The following ACOT11 variants were observed in gnomAD, a reference collection of about 807,000 sequenced individuals.
ACOT11 encodes the protein acyl-coenzyme A thioesterase 11.
In ACOT11, 69 loss-of-function variants were observed where a neutral mutation model predicts 77.5. That is an observed-to-expected ratio of 0.89 (90% CI 0.73 to 1.09). ACOT11 has a LOEUF of 1.09. Ranked by LOEUF, ACOT11 falls within the 50% of genes least tolerant of loss-of-function variation. The pLI is 0.00. For synonymous variants in ACOT11, 279 were observed against 313.0 expected, an observed-to-expected ratio of 0.89 and a Z score of 1.15; for missense variants, 766 against 813.7, an observed-to-expected ratio of 0.94 and a Z score of 0.71.
rs1644038234 is a variant in ACOT11 at position 54,607,307 on chromosome 1, A to G, written c.1502+42A>G. The G allele has an allele frequency of 2.5e-6, 4 of 1,600,138 alleles. No homozygotes were observed. Among genetic ancestry groups the G allele is most frequent in the Non-Finnish European group, 3.4e-6 (4 of 1,169,030 alleles). ...TGTGGGGTGGGGGACACAACTGGAC[A>G]GGGTGGTAGGGTGGCCGCTTCTCCC... On this transcript the variant is annotated intron_variant, in intron 14 of 15. Transcript: ENST00000343744. This position sits in a 1 kb window ranked among gnomAD's most constrained non-coding sequence, Gnocchi z 4.5.
At chr1:54,636,785 C>T (rs1644333522) in exon 17 of ACOT11, 1 of 153,116 alleles carries the variant, frequency 6.5e-6, no homozygotes. Flanking sequence ...TCCCTGCGGC[C>T]TTTGCAGTAT....
chr1:54,601,459 C>T (rs1276989446), intron 9 of ACOT11, 46 bp downstream of exon 9: 2 of 1,590,978 alleles, frequency 1.3e-6, no homozygotes, highest in African/African-American at 1.3e-5. Flanking sequence ...CCCCTCCCCT[C>T]CCTCTCTGCC....
chr1:54,612,412 G>T (rs2101015807), downstream of ACOT11: 1 of 1,114,544 alleles, frequency 9.0e-7, no homozygotes, highest in Non-Finnish European at 1.3e-6. Context: ...GACCCTTCCA[G>T]CCATGAGCTT....
intron 6 of ACOT11, among the ~76,000 whole-genome samples, chr1:54,595,486 C>G (rs754618772): frequency 6.6e-6 from 1 of 152,044 alleles, no homozygotes; most frequent in Non-Finnish European, 1.5e-5. Flanking sequence ...AAATAAAAAG[C>G]AAGACTCCTT....
chr1:54,612,446 G>T, downstream of ACOT11: 1 of 1,454,024 alleles, frequency 6.9e-7, no homozygotes, highest in Non-Finnish European at 9.6e-7. Context: ...GGGGGCATCA[G>T]TGCCTCCAGG....
chr1:54,579,069 G>A (rs1654210637), intron 1 of ACOT11, among the ~76,000 whole-genome samples: 1 of 152,194 alleles, frequency 6.6e-6, no homozygotes, highest in South Asian at 2.1e-4. Context: ...TAGGACATTG[G>A]GACCATCGTT....
At chr1:54,623,858 T>G (rs1644254566) in intron 15 of ACOT11, among the ~76,000 whole-genome samples, 1 of 152,250 alleles carries the variant, frequency 6.6e-6, no homozygotes. Flanking sequence ...ATTCTGTTCT[T>G]TCCCTTTCTA....
chr1:54,569,949 T>C (rs1239693704), intron 1 of ACOT11, among the ~76,000 whole-genome samples: 1 of 152,220 alleles, frequency 6.6e-6, no homozygotes, highest in Non-Finnish European at 1.5e-5. Flanking sequence ...TGGTACTTAA[T>C]TGGAGACAGC....
intron 13 of ACOT11, among the ~76,000 whole-genome samples, chr1:54,605,525 C>T (rs927159546): frequency 2.0e-5 from 3 of 151,952 alleles, no homozygotes; most frequent in Non-Finnish European, 2.9e-5. Flanking sequence ...GCTTGGATGG[C>T]GGGTCATGGA....
At chr1:54,552,819 G>C (rs1460182792) in intron 1 of ACOT11, among the ~76,000 whole-genome samples, 1 of 117,856 alleles carries the variant, frequency 8.5e-6, no homozygotes, top group African/African-American at 3.5e-5. Context: ...GTTGTTGTTT[G>C]TTTTTGTTTT....
chr1:54,549,676 C>T (rs1053600011), intron 1 of ACOT11, among the ~76,000 whole-genome samples: 1 of 152,222 alleles, frequency 6.6e-6, no homozygotes, highest in Admixed American at 6.5e-5. Flanking sequence ...GGGAGCAACA[C>T]GAGGCTGCTC....
chr1:54,592,376 T>G (rs1654741735), intron 3 of ACOT11, among the ~76,000 whole-genome samples, 170 bp from the exon 4 acceptor site: 1 of 152,218 alleles, frequency 6.6e-6, no homozygotes, highest in African/African-American at 2.4e-5. Flanking sequence ...GCTGACACTA[T>G]CTTGCTAGCT....
At chr1:54,580,693 C>T (rs978624186) in intron 1 of ACOT11, among the ~76,000 whole-genome samples, 1 of 152,214 alleles carries the variant, frequency 6.6e-6, no homozygotes, top group East Asian at 1.9e-4. Flanking sequence ...GTGCCAGGCA[C>T]GTGTCCCTGT....
rs61261431 is a variant in ACOT11 at position 54,628,593 on chromosome 1, G to GCC, written c.1630-2130_1630-2129dup. 4.2e-3 allele frequency among the ~76,000 whole-genome samples: 294 copies of GCC among 70,296 alleles called. 10 individuals carry two copies. The highest frequency in any genetic ancestry group is 0.01 in the East Asian group (23 of 2,224). The allele number at this position is 70,296 out of a possible 152,430, so 46.1% of individuals were successfully genotyped here. A position where few individuals can be genotyped will look rare whatever the true frequency, so the allele number is the denominator to read the frequency against. On this transcript the variant is annotated intron_variant, in intron 15 of 16. Transcript: ENST00000371316. ...CTGGGCATCAGAGCAAGACCCCATC[G>GCC]CCCCCCCCCCCCAAAAAAGGAAAAA... is the stretch of plus-strand genomic sequence containing the variant.
intron 16 of ACOT11, among the ~76,000 whole-genome samples, chr1:54,632,091 T>C (rs1343586082): frequency 6.6e-6 from 1 of 152,064 alleles, no homozygotes; most frequent in Non-Finnish European, 1.5e-5. Context: ...GGCCACCAGA[T>C]AGGGGAAAAA....
chr1:54,608,410 C>T (rs1361692025), intron 15 of ACOT11, among the ~76,000 whole-genome samples: 1 of 152,012 alleles, frequency 6.6e-6, no homozygotes, highest in African/African-American at 2.4e-5. Context: ...AACCCAGCAG[C>T]GCAGTCCGTG....
At chr1:54,581,455 C>A (rs1200329489) in intron 1 of ACOT11, among the ~76,000 whole-genome samples, 1 of 152,130 alleles carries the variant, frequency 6.6e-6, no homozygotes, top group South Asian at 2.1e-4. Context: ...GTGCCTTAGT[C>A]CCCCAGGCTG....
rs114403859 is a variant in ACOT11, at chr1:54,606,987, C to T, written c.1371-147C>T. Reference sequence around the variant, plus strand: ...ATCTTGGCTGGGCTTTGCTGCCTTCCTGCTGGCCCTTGCTGAGCAGTACAG... The same window carrying T: ...ATCTTGGCTGGGCTTTGCTGCCTTCTTGCTGGCCCTTGCTGAGCAGTACAG... On this transcript the variant is annotated intron_variant, in intron 13 of 15. Coordinates refer to ENST00000343744, the MANE Select transcript of ACOT11 (RefSeq NM_147161.4). 2,696 of 1,143,134 alleles carry T rather than the reference C, an allele frequency of 2.4e-3. 58 individuals carry two copies. In the African/African-American group the frequency reaches 0.036, roughly 15 times the overall value. The allele number at this position is 1,143,134 out of a possible 1,614,324, so 70.8% of individuals were successfully genotyped here. A position where few individuals can be genotyped will look rare whatever the true frequency, so the allele number is the denominator to read the frequency against.
chr1:54,602,722 C>G lies in ACOT11; in HGVS notation c.1083C>G (p.Asp361Glu). Residue 361 changes from aspartate (D) to glutamate (E), a missense_variant and splice_region_variant, in exon 10 of 16, where the codon GAC becomes GAG. Transcript: ENST00000343744. ...GTGCCAGAAAGAAGATCCGCCTGGA[C>G]AGGTGAGTAGGGGCTGAGTGGTGGG... is the stretch of plus-strand genomic sequence containing the variant. ...EASARKKIRL[D>E]RKYIVSCKQT... 1 of 1,549,094 alleles carries G rather than the reference C, an allele frequency of 6.5e-7. No individual in the cohort carries two copies. The highest frequency in any genetic ancestry group is 8.7e-7 in the Non-Finnish European group (1 of 1,148,180).
Sources: allele counts gnomAD v4.1 joint callset (sites outside exome capture counted in the v4.1 genomes callset), GRCh38; gene constraint gnomAD v4.1.1; non-coding constraint Gnocchi (gnomAD v3.1); transcripts MANE v1.5; gene names NCBI Gene and HGNC (gene_info 2026-07-23, HGNC 2026-07-21).